The following HNF1B variants were observed in gnomAD, a reference collection of about 807,000 sequenced individuals.
HNF1B encodes the protein HNF1 homeobox B, also known as hepatocyte nuclear factor 1-beta.
HNF1B carries 8 observed loss-of-function variants against 61.7 expected under a neutral mutation model. The ratio of observed to expected loss-of-function variants is 0.13; its 90% CI spans 0.08 to 0.23. The LOEUF is 0.23. Among genes scored for constraint, HNF1B ranks in the 10% least tolerant of loss-of-function variants. The probability of loss-of-function intolerance (pLI) is 1.00; values close to 1 mark genes in which losing one functional copy is unlikely to be tolerated. For missense variants in HNF1B, 562 were observed against 714.5 expected, an observed-to-expected ratio of 0.79 and a Z score of 2.43; for synonymous variants, 314 against 287.7, an observed-to-expected ratio of 1.09 and a Z score of -0.93.
intron 6 of HNF1B, 101 bp downstream of exon 6, chr17:37,704,816 G>A: frequency 1.5e-6 from 2 of 1,298,312 alleles, no homozygotes; most frequent in Non-Finnish European, 2.2e-6. Flanking sequence ...CTAGTCGTGG[G>A]TGAGTTTGAA....
intron 2 of HNF1B, among the ~76,000 whole-genome samples, chr17:37,737,841 T>TTAAATAAA (rs554122367): frequency 4.6e-5 from 7 of 151,752 alleles, no homozygotes; most frequent in South Asian, 4.2e-4. Flanking sequence ...TCTCAAAAAG[T>TTAAATAAA]TAAATAAATA....
At chr17:37,693,821 C>T (rs975989293) in intron 8 of HNF1B, among the ~76,000 whole-genome samples, 4 of 152,242 alleles carry the variant, frequency 2.6e-5, no homozygotes, top group Non-Finnish European at 4.4e-5. Context: ...GCGCCATCCC[C>T]TTGGTGATAA....
At chr17:37,735,263 C>T (rs955538568) in intron 2 of HNF1B, among the ~76,000 whole-genome samples, 6 of 152,152 alleles carry the variant, frequency 3.9e-5, no homozygotes, top group Admixed American at 6.5e-5. Context: ...TACTACTTAA[C>T]GTTTGAATCC....
At chr17:37,744,103 A>T (rs1168475383) in intron 1 of HNF1B, among the ~76,000 whole-genome samples, 1 of 152,240 alleles carries the variant, frequency 6.6e-6, no homozygotes, top group Non-Finnish European at 1.5e-5. Flanking sequence ...TCCGAGGCCG[A>T]CATGCGGCTT....
At chr17:37,739,371 AG>A (rs1180423308) in intron 2 of HNF1B, 68 bp downstream of exon 2, 2 of 1,416,228 alleles carry the variant, frequency 1.4e-6, no homozygotes, top group African/African-American at 2.8e-5. Context: ...AGGGAAACTG[AG>A]GCAGCCAATG....
At chr17:37,727,174 C>T (rs1188037549) in intron 4 of HNF1B, among the ~76,000 whole-genome samples, 1 of 152,184 alleles carries the variant, frequency 6.6e-6, no homozygotes, top group African/African-American at 2.4e-5. Context: ...TTGCTGCCGC[C>T]CTGCCCTCTG....
At chr17:37,705,911 C>T (rs762219626) in intron 5 of HNF1B, among the ~76,000 whole-genome samples, 12 of 152,148 alleles carry the variant, frequency 7.9e-5, no homozygotes, top group South Asian at 2.1e-4. Context: ...TTTAAACACA[C>T]CTACACTTTT....
chr17:37,713,188 T>G (rs3110644), intron 4 of HNF1B, among the ~76,000 whole-genome samples: 23,607 of 152,020 alleles, frequency 0.16, 2,364 homozygotes, highest in Middle Eastern at 0.22. Flanking sequence ...TGGGAGTCAG[T>G]TGTGTTTTCA....
At chr17:37,708,615 T>C (rs992748544) in intron 5 of HNF1B, among the ~76,000 whole-genome samples, 4 of 152,202 alleles carry the variant, frequency 2.6e-5, no homozygotes, top group Non-Finnish European at 5.9e-5. Flanking sequence ...CCCTTCTCCA[T>C]GGAAGCCTGG....
chr17:37,731,840 G>C lies in HNF1B; in HGVS notation c.810-10C>G, dbSNP rs2033696505. On this transcript the variant is annotated splice_polypyrimidine_tract_variant and intron_variant, in intron 3 of 8. Transcript: ENST00000617811. ...CTGCAAACATTCTGCCCTGGGAATG[G>C]ATGGAGGGGAGATGGTGAGTGAGGG... is the stretch of plus-strand genomic sequence containing the variant. 7.1e-7 allele frequency: 1 copy of C among 1,415,406 alleles called. No individual in the cohort carries two copies. Among genetic ancestry groups the C allele is most frequent in the Non-Finnish European group, 9.9e-7 (1 of 1,005,510 alleles). The allele number at this position is 1,415,406 out of a possible 1,614,324, so 87.7% of individuals were successfully genotyped here. A position where few individuals can be genotyped will look rare whatever the true frequency, so the allele number is the denominator to read the frequency against.
At chr17:37,742,224 C>G (rs2034013543) in intron 1 of HNF1B, among the ~76,000 whole-genome samples, 1 of 152,230 alleles carries the variant, frequency 6.6e-6, no homozygotes, top group Non-Finnish European at 1.5e-5. Context: ...CGTTAAGGAG[C>G]CCAACTTCGG....
At chr17:37,699,872 C>A (rs117746820) in intron 7 of HNF1B, among the ~76,000 whole-genome samples, 5,230 of 152,282 alleles carry the variant, frequency 0.034, 125 homozygotes, top group Non-Finnish European at 0.054. Context: ...TGGCTGTTCT[C>A]CCCCAAACCC....
At chr17:37,700,223 A>G (rs899995414) in intron 7 of HNF1B, among the ~76,000 whole-genome samples, 34 of 152,274 alleles carry the variant, frequency 2.2e-4, no homozygotes, top group Middle Eastern at 6.8e-3. Context: ...TTCCTCCCCA[A>G]ACTCCTGTGT....
In HNF1B at chr17:37,727,280, A is replaced by G. The variant is rs78139718; in HGVS notation, c.1045+4315T>C. Among the ~76,000 whole-genome samples, 582 of 152,190 alleles carry G rather than the reference A, an allele frequency of 3.8e-3. 3 individuals are homozygous for G. The highest frequency in any genetic ancestry group is 0.013 in the African/African-American group (540 of 41,502). The stretch of plus-strand genomic sequence containing the variant: ...ATGGCTTCAGAATGGGCTGTCATGG[A>G]GCCTATAACCAGGGACAGCTCCTGC... On this transcript the variant is annotated intron_variant, in intron 4 of 8. Transcript: ENST00000617811.
intron 6 of HNF1B, among the ~76,000 whole-genome samples, chr17:37,701,918 G>A (rs775375243): frequency 7.2e-5 from 11 of 152,184 alleles, no homozygotes; most frequent in Non-Finnish European, 1.3e-4. Flanking sequence ...TTCTGTTCTG[G>A]AGATGTCAGG....
At position 37,731,659 on chromosome 17, in the gene HNF1B, G is replaced by A. The variant is rs142144390; in HGVS notation, c.981C>T (p.Asn327=). 1 of 1,614,154 alleles carries A rather than the reference G, an allele frequency of 6.2e-7. No homozygotes were observed. The highest frequency in any genetic ancestry group is 1.1e-5 in the South Asian group (1 of 91,074). ...AYSSNQTHSL[N]PLLSHGSPHH... is the part of the protein sequence containing the mutation. ...GGGGGGAGCCGTGGGAGAGCAGAGG[G>A]TTCAGGCTGTGAGTCTGGTTGGAGC... Residue 327 remains asparagine, a synonymous_variant, in exon 4 of 9, where the codon AAC becomes AAT. Coordinates refer to ENST00000617811, the MANE Select transcript of HNF1B (RefSeq NM_000458.4).
chr17:37,744,351 T>C (rs2034099263), intron 1 of HNF1B, among the ~76,000 whole-genome samples, 190 bp downstream of exon 1: 1 of 152,196 alleles, frequency 6.6e-6, no homozygotes, highest in South Asian at 2.1e-4. Flanking sequence ...AGAAGCCCGG[T>C]GGGCCGCAGG....
Position 37,733,552 on chromosome 17 carries a change from G to A in HNF1B, c.809+5C>T, listed in dbSNP as rs2033748236. On this transcript the variant is annotated splice_donor_5th_base_variant and intron_variant, in intron 3 of 8. Coordinates refer to ENST00000617811, the MANE Select transcript of HNF1B (RefSeq NM_000458.4). Reference sequence around the variant, plus strand: ...CCTGCCCAGGTGAGCTTCTGGTGGTGTTACCTGTTGCATTCCTCCACTAAG... The same window carrying A: ...CCTGCCCAGGTGAGCTTCTGGTGGTATTACCTGTTGCATTCCTCCACTAAG... 1 of 1,614,174 alleles carries A rather than the reference G, an allele frequency of 6.2e-7. No homozygotes were observed. Among genetic ancestry groups the A allele is most frequent in the Non-Finnish European group, 8.5e-7 (1 of 1,180,044 alleles).
intron 5 of HNF1B, among the ~76,000 whole-genome samples, chr17:37,705,894 G>T (rs752338128): frequency 6.6e-6 from 1 of 152,076 alleles, no homozygotes; most frequent in Non-Finnish European, 1.5e-5. Context: ...ATAAGGGCGC[G>T]ATCAGTTTTA....
Sources: allele counts gnomAD v4.1 joint callset (sites outside exome capture counted in the v4.1 genomes callset), GRCh38; gene constraint gnomAD v4.1.1; transcripts MANE v1.5; gene names NCBI Gene and HGNC (gene_info 2026-07-23, HGNC 2026-07-21).